PPARGC1A: variants seen among roughly 807,000 people sequenced by gnomAD.
PPARGC1A encodes the protein PPARG coactivator 1 alpha, also known as peroxisome proliferator-activated receptor gamma coactivator 1-alpha.
In PPARGC1A, 25 loss-of-function variants were observed where a neutral mutation model predicts 88.7. The observed-to-expected ratio is 0.28, with a 90% CI of 0.21 to 0.39. The LOEUF is 0.39. PPARGC1A is among the 10% of genes least tolerant of loss of function. The probability of loss-of-function intolerance (pLI) is 1.00; values close to 1 mark genes in which losing one functional copy is unlikely to be tolerated. For missense variants in PPARGC1A, 880 were observed against 968.7 expected (o/e 0.91, Z 1.22); for synonymous variants, 363 against 355.6 (o/e 1.02, Z -0.24).
the PPARGC1A span, among the ~76,000 whole-genome samples, chr4:24,257,762 G>T: frequency 6.6e-6 from 1 of 152,052 alleles, no homozygotes; most frequent in East Asian, 1.9e-4. Flanking sequence ...TTCACCTCAT[G>T]GAAACATTCA....
chr4:24,415,643 A>G, the PPARGC1A span, among the ~76,000 whole-genome samples: 2,036 of 152,310 alleles, frequency 0.013, 60 homozygotes, highest in East Asian at 0.11. Context: ...ACACTGAGAA[A>G]GAAGAGGGTT....
the PPARGC1A span, among the ~76,000 whole-genome samples, chr4:24,180,356 T>C: frequency 6.6e-6 from 1 of 152,202 alleles, no homozygotes; most frequent in Non-Finnish European, 1.5e-5. Flanking sequence ...ATGAGATAAT[T>C]TGTTTCATAA....
chr4:23,946,806 A>G, the PPARGC1A span, among the ~76,000 whole-genome samples: 2,177 of 152,092 alleles, frequency 0.014, 53 homozygotes, highest in African/African-American at 0.049. Flanking sequence ...AGATGAAAAT[A>G]TATGTACACA....
chr4:24,408,713 C>T, the PPARGC1A span, among the ~76,000 whole-genome samples: 73,055 of 152,032 alleles, frequency 0.48, 17,747 homozygotes, highest in Middle Eastern at 0.54. Context: ...CTGACAGTCA[C>T]ATCAGTAGGC....
the PPARGC1A span, among the ~76,000 whole-genome samples, chr4:24,199,359 T>A: frequency 1.3e-5 from 2 of 152,150 alleles, no homozygotes; most frequent in Non-Finnish European, 2.9e-5. Context: ...AGTCCAGTGA[T>A]AGAAACAGCC....
chr4:23,884,316 T>C, intron 2 of PPARGC1A: 1 of 175,640 alleles, frequency 5.7e-6, no homozygotes, highest in Non-Finnish European at 1.2e-5. Flanking sequence ...CTCACCTAAT[T>C]AGTAAAGCAA....
the PPARGC1A span, among the ~76,000 whole-genome samples, chr4:24,436,887 C>T: frequency 6.6e-6 from 1 of 151,974 alleles, no homozygotes; most frequent in Non-Finnish European, 1.5e-5. Context: ...TATTGGCCAC[C>T]CCAGAGCCCA....
At chr4:24,282,460 T>C in the PPARGC1A span, among the ~76,000 whole-genome samples, 1 of 152,198 alleles carries the variant, frequency 6.6e-6, no homozygotes, top group Non-Finnish European at 1.5e-5. Flanking sequence ...GAAAGGCTGG[T>C]ATTTTAGGTG....
chr4:24,329,010 C>G, the PPARGC1A span, among the ~76,000 whole-genome samples: 1 of 152,208 alleles, frequency 6.6e-6, no homozygotes, highest in Non-Finnish European at 1.5e-5. Context: ...GCTTAGCAGG[C>G]ACAGCTGACC....
At chr4:23,801,981 G>A (rs1718844161) in intron 11 of PPARGC1A, 100 bp from the exon 12 acceptor site, 2 of 1,429,052 alleles carry the variant, frequency 1.4e-6, no homozygotes, top group South Asian at 1.3e-5. Context: ...GCCAACGTCT[G>A]AGCCACTGAA....
the PPARGC1A span, among the ~76,000 whole-genome samples, chr4:24,140,411 A>G: frequency 1.3e-5 from 2 of 152,200 alleles, no homozygotes; most frequent in African/African-American, 4.8e-5. Context: ...TTTGTTCACA[A>G]CAATGCCAAG....
intron 4 of PPARGC1A, among the ~76,000 whole-genome samples, chr4:23,829,089 C>A (rs1724532580): frequency 6.6e-6 from 1 of 152,148 alleles, no homozygotes; most frequent in Non-Finnish European, 1.5e-5. Context: ...TGTGGTGATT[C>A]CAAAAGCAAT....
At chr4:23,947,361 A>T in the PPARGC1A span, among the ~76,000 whole-genome samples, 57 of 12,264 alleles carry the variant, frequency 4.6e-3, 1 homozygote, top group African/African-American at 0.012. Flanking sequence ...TGATATATAT[A>T]TATATATATA....
chr4:24,177,619 T>TAAAATAAA, the PPARGC1A span, among the ~76,000 whole-genome samples: 21 of 124,934 alleles, frequency 1.7e-4, no homozygotes, highest in African/African-American at 6.8e-4. Flanking sequence ...TCAAGTATAA[T>TAAAATAAA]TAAATAAATA....
At chr4:24,412,014 C>T in the PPARGC1A span, among the ~76,000 whole-genome samples, 3 of 152,108 alleles carry the variant, frequency 2.0e-5, no homozygotes, top group Non-Finnish European at 2.9e-5. Context: ...TTTTCATCTC[C>T]GTTTGGGTAA....
At chr4:24,128,364 C>G in the PPARGC1A span, among the ~76,000 whole-genome samples, 1 of 152,132 alleles carries the variant, frequency 6.6e-6, no homozygotes, top group South Asian at 2.1e-4. Flanking sequence ...ACCCTTGGAA[C>G]AGTGCCTCAT....
the PPARGC1A span, among the ~76,000 whole-genome samples, chr4:24,057,783 C>T: frequency 6.6e-6 from 1 of 152,194 alleles, no homozygotes; most frequent in East Asian, 1.9e-4. Context: ...TTTGGAAGCT[C>T]AATACAGGTA....
chr4:24,471,901 C>G, the PPARGC1A span, among the ~76,000 whole-genome samples: 1 of 152,152 alleles, frequency 6.6e-6, no homozygotes, highest in Non-Finnish European at 1.5e-5. This position sits in a 1 kb window ranked among gnomAD's most constrained non-coding sequence, Gnocchi z 5.4. Context: ...AGAGGCGGCT[C>G]GGGCCCCGAG....
At chr4:24,193,421 C>G in the PPARGC1A span, among the ~76,000 whole-genome samples, 1 of 152,144 alleles carries the variant, frequency 6.6e-6, no homozygotes, top group Non-Finnish European at 1.5e-5. Context: ...AACATCTCAC[C>G]TCTCCCCAGC....
Sources: gnomAD v4.1 joint callset for allele counts (sites outside exome capture counted in the v4.1 genomes callset) on GRCh38, gnomAD v4.1.1 for gene constraint, Gnocchi (gnomAD v3.1) non-coding constraint, MANE v1.5 for transcripts, NCBI Gene and HGNC (gene_info 2026-07-23, HGNC 2026-07-21) for gene names.